The following PAN3 variants were observed in gnomAD, a reference collection of about 807,000 sequenced individuals.
PAN3 encodes poly(A) specific ribonuclease subunit PAN3, also known as PAN2-PAN3 deadenylation complex subunit PAN3.
Under a neutral mutation model 96.2 loss-of-function variants are expected in PAN3, and 19 were observed. The observed-to-expected ratio is 0.20, with a 90% confidence interval of 0.14 to 0.29. The LOEUF is 0.29. Ranked by LOEUF, PAN3 falls within the 10% of genes least tolerant of loss-of-function variation. The pLI, the probability that PAN3 is intolerant of heterozygous loss-of-function variation, is 1.00. For missense variants in PAN3, 882 were observed against 1,108.1 expected, an observed-to-expected ratio of 0.80 and a Z score of 2.90; for synonymous variants, 433 against 406.6, an observed-to-expected ratio of 1.06 and a Z score of -0.78.
intron 6 of PAN3, among the ~76,000 whole-genome samples, chr13:28,221,484 CAT>C (rs1308453946): frequency 5.9e-5 from 9 of 152,134 alleles, no homozygotes; most frequent in African/African-American, 1.9e-4. Flanking sequence ...TTTAAATACT[CAT>C]ATATCTAATT....
intron 1 of PAN3, among the ~76,000 whole-genome samples, chr13:28,173,556 T>C (rs1304800839): frequency 1.3e-5 from 2 of 152,176 alleles, no homozygotes; most frequent in Non-Finnish European, 2.9e-5. Context: ...TCTATCCACA[T>C]TTTTGTAGTT....
At position 28,157,019 on chromosome 13, in the gene PAN3, A is replaced by G. The variant is rs890660802; in HGVS notation, c.431-17253A>G. Among the ~76,000 whole-genome samples, 5 of 150,806 alleles carry G rather than the reference A, an allele frequency of 3.3e-5. No homozygotes were observed. The South Asian group carries it at 6.3e-4, about 19-fold the overall frequency. On this transcript the variant is annotated intron_variant, in intron 1 of 18. Coordinates refer to ENST00000380958, the MANE Select transcript of PAN3 (RefSeq NM_175854.8). The stretch of plus-strand genomic sequence containing the variant: ...AAAAAAAAAAAAAAAAAAAAAAAAA[A>G]GCTAAATCACCATGAACAAGTAGGC...
chr13:28,224,536 G>C (rs1193489946), intron 6 of PAN3, among the ~76,000 whole-genome samples: 1 of 152,184 alleles, frequency 6.6e-6, no homozygotes, highest in Non-Finnish European at 1.5e-5. Flanking sequence ...ATGAGTCACA[G>C]TGATTTTCAG....
intron 1 of PAN3, among the ~76,000 whole-genome samples, chr13:28,162,381 C>T (rs1872983308): frequency 1.3e-5 from 2 of 152,114 alleles, no homozygotes; most frequent in African/African-American, 4.8e-5. Flanking sequence ...TCAGTTTCCT[C>T]ATTGGAAAAG....
chr13:28,207,007 A>C (rs1879454572), intron 5 of PAN3, among the ~76,000 whole-genome samples: 1 of 152,176 alleles, frequency 6.6e-6, no homozygotes, highest in Non-Finnish European at 1.5e-5. Context: ...AACCTGTCTA[A>C]AATGAACACC....
At chr13:28,146,860 A>T (rs1870726097) in intron 1 of PAN3, among the ~76,000 whole-genome samples, 1 of 152,048 alleles carries the variant, frequency 6.6e-6, no homozygotes, top group South Asian at 2.1e-4. Flanking sequence ...CTGTAGTCCC[A>T]GTTACTAGGG....
intron 1 of PAN3, among the ~76,000 whole-genome samples, chr13:28,149,590 C>T (rs1871107806): frequency 6.6e-6 from 1 of 152,010 alleles, no homozygotes; most frequent in Non-Finnish European, 1.5e-5. Context: ...TGATTATTTA[C>T]TAGTCGATCT....
At chr13:28,200,395 G>A (rs892252924) in intron 5 of PAN3, among the ~76,000 whole-genome samples, 4 of 151,886 alleles carry the variant, frequency 2.6e-5, no homozygotes, top group African/African-American at 9.7e-5. Context: ...TAACATCTTG[G>A]TCTTTTTCTA....
intron 1 of PAN3, among the ~76,000 whole-genome samples, chr13:28,154,370 C>G (rs372024722): frequency 6.6e-6 from 1 of 151,856 alleles, no homozygotes; most frequent in Non-Finnish European, 1.5e-5. Flanking sequence ...TCTAAAATTT[C>G]TGTTTCGGGA....
rs967064756 is a variant in PAN3, at chr13:28,145,356, A to G, written c.430+6269A>G. Among the ~76,000 whole-genome samples, 3 of 151,792 alleles carry G rather than the reference A, an allele frequency of 2.0e-5. No homozygotes were observed. The East Asian group carries it at 5.8e-4, about 29-fold the overall frequency. ...TGACAATTTTTTGAGACAGAGTCTC[A>G]CTCTATCACCCATGCTGGAGTGCAG... is the stretch of plus-strand genomic sequence containing the variant. On this transcript the variant is annotated intron_variant, in intron 1 of 18. Coordinates refer to ENST00000380958, the MANE Select transcript of PAN3 (RefSeq NM_175854.8).
intron 5 of PAN3, chr13:28,215,793 G>A: frequency 7.1e-7 from 1 of 1,402,560 alleles, no homozygotes; most frequent in East Asian, 2.3e-5. Flanking sequence ...TGTTGGTGAT[G>A]TGAGACAGAC....
At chr13:28,233,347 A>G (rs1593526408) in intron 6 of PAN3, among the ~76,000 whole-genome samples, 1 of 151,374 alleles carries the variant, frequency 6.6e-6, no homozygotes, top group Non-Finnish European at 1.5e-5. Flanking sequence ...GCTCACTGCA[A>G]CCTTGGCCTC....
chr13:28,157,411 G>A lies in PAN3; in HGVS notation c.431-16861G>A, dbSNP rs181379703. Reference sequence around the variant, plus strand: ...TAAAAGGTATCCAAATAAGAAGAGAGGAAGTCAAACTATCTCTGTATATGA... The same window carrying A: ...TAAAAGGTATCCAAATAAGAAGAGAAGAAGTCAAACTATCTCTGTATATGA... On this transcript the variant is annotated intron_variant, in intron 1 of 18. Transcript: ENST00000380958. Among the ~76,000 whole-genome samples, 323 of 152,270 alleles carry A rather than the reference G, an allele frequency of 2.1e-3. 7 individuals carry two copies. The highest frequency in any genetic ancestry group is 0.015 in the Admixed American group (236 of 15,288).
At chr13:28,203,728 T>C (rs896729258) in intron 5 of PAN3, among the ~76,000 whole-genome samples, 2 of 152,210 alleles carry the variant, frequency 1.3e-5, no homozygotes, top group African/African-American at 4.8e-5. Flanking sequence ...TTTTAATCTT[T>C]TAAGCCTTGT....
intron 1 of PAN3, among the ~76,000 whole-genome samples, chr13:28,158,833 G>A (rs574237639): frequency 1.9e-4 from 28 of 151,130 alleles, no homozygotes; most frequent in South Asian, 1.0e-3. Flanking sequence ...AGTGGATATC[G>A]CGCCACTGCA....
At chr13:28,201,181 C>T (rs893171230) in intron 5 of PAN3, among the ~76,000 whole-genome samples, 2 of 151,420 alleles carry the variant, frequency 1.3e-5, no homozygotes, top group Admixed American at 6.6e-5. Flanking sequence ...ACTGCAGGCA[C>T]ATATCACTGC....
chr13:28,248,505 C>A (rs1441676932), intron 6 of PAN3, among the ~76,000 whole-genome samples: 2 of 135,496 alleles, frequency 1.5e-5, no homozygotes, highest in Non-Finnish European at 3.1e-5. Flanking sequence ...TGTTCCAGAT[C>A]TTAGAGGAAA....
chr13:28,259,150 CAG>C (rs917789484), intron 7 of PAN3, among the ~76,000 whole-genome samples: 3 of 149,508 alleles, frequency 2.0e-5, no homozygotes, highest in African/African-American at 2.5e-5. Context: ...TTTTTTGAGA[CAG>C]AGTCTTCCCC....
At chr13:28,250,492 A>C (rs1884620432) in intron 6 of PAN3, among the ~76,000 whole-genome samples, 1 of 152,010 alleles carries the variant, frequency 6.6e-6, no homozygotes, top group Admixed American at 6.5e-5. Context: ...CAGCCTCCCA[A>C]GTAGCTGAAA....
Sources: gnomAD v4.1 joint callset for allele counts (sites outside exome capture counted in the v4.1 genomes callset) on GRCh38, gnomAD v4.1.1 for gene constraint, MANE v1.5 for transcripts, NCBI Gene and HGNC (gene_info 2026-07-23, HGNC 2026-07-21) for gene names.